SNTG1: variants seen among roughly 807,000 people sequenced by gnomAD.
SNTG1 encodes the protein syntrophin gamma 1.
A neutral mutation model predicts 74.7 loss-of-function variants in SNTG1; 39 were observed. The observed-to-expected ratio is 0.52, with a 90% CI of 0.40 to 0.68. The LOEUF is 0.68. Among genes scored for constraint, SNTG1 ranks in the 30% least tolerant of loss-of-function variants. The pLI, the probability that SNTG1 is intolerant of heterozygous loss-of-function variation, is 0.00. For synonymous variants in SNTG1, 254 were observed against 217.1 expected (o/e 1.17, Z -1.49); for missense variants, 685 against 609.5 (o/e 1.12, Z -1.30).
At chr8:50,723,752 G>A (rs575641465) in intron 17 of SNTG1, among the ~76,000 whole-genome samples, 66 of 152,124 alleles carry the variant, frequency 4.3e-4, no homozygotes, top group African/African-American at 1.5e-3. Flanking sequence ...AAGGAGAGGT[G>A]CACAGCAGGA....
chr8:50,715,793 G>A (rs958282525), intron 17 of SNTG1, among the ~76,000 whole-genome samples: 3 of 151,928 alleles, frequency 2.0e-5, no homozygotes, highest in African/African-American at 7.3e-5. Flanking sequence ...CTTCATTCTG[G>A]TTTTTCATAT....
chr8:50,710,544 C>A (rs904820987), intron 17 of SNTG1, among the ~76,000 whole-genome samples: 2 of 151,964 alleles, frequency 1.3e-5, no homozygotes, highest in Admixed American at 6.6e-5. Flanking sequence ...CTCTAGTACA[C>A]GAATGTATAA....
chr8:50,293,695 C>T (rs2089236793), intron 2 of SNTG1, among the ~76,000 whole-genome samples: 1 of 152,080 alleles, frequency 6.6e-6, no homozygotes, highest in Admixed American at 6.6e-5. Context: ...CAGGCGTGAG[C>T]CACTGTGCCC....
Position 50,794,502 on chromosome 8 carries a change from C to T in SNTG1, c.*1673C>T, listed in dbSNP as rs530902468. On this transcript the variant is annotated 3_prime_UTR_variant, in exon 19 of 19. Transcript: ENST00000642720. ...ACAGTTTCAGTGTAATGTATTTTGA[C>T]CGTAAAACTAAGTACACATTTGTAA... The T allele has an allele frequency of 6.6e-6, 1 of 152,044 alleles. No individual in the cohort carries two copies. The highest frequency in any genetic ancestry group is 2.1e-4 in the South Asian group (1 of 4,824). The allele number at this position is 152,044 out of a possible 1,614,324, so 9.4% of individuals were successfully genotyped here.
At chr8:49,984,901 C>A (rs1813017271) in intron 1 of SNTG1, among the ~76,000 whole-genome samples, 1 of 152,066 alleles carries the variant, frequency 6.6e-6, no homozygotes, top group South Asian at 2.1e-4. Flanking sequence ...TTGTAAGCAT[C>A]TGTATCATAA....
At chr8:50,309,286 G>A (rs17697781) in intron 2 of SNTG1, among the ~76,000 whole-genome samples, 10,530 of 151,852 alleles carry the variant, frequency 0.069, 409 homozygotes, top group African/African-American at 0.085. Flanking sequence ...GAGGGAAGCC[G>A]CGTATTTACT....
chr8:50,265,022 A>C (rs2087393246), intron 2 of SNTG1, among the ~76,000 whole-genome samples: 1 of 152,194 alleles, frequency 6.6e-6, no homozygotes, highest in Non-Finnish European at 1.5e-5. Context: ...GCTCAGGTCA[A>C]ATAATGTTAC....
intron 2 of SNTG1, among the ~76,000 whole-genome samples, chr8:50,350,266 G>T (rs988047845): frequency 3.9e-5 from 6 of 152,096 alleles, no homozygotes; most frequent in African/African-American, 9.7e-5. Context: ...CTCCACCGGA[G>T]CCCAGTCCCA....
intron 8 of SNTG1, among the ~76,000 whole-genome samples, chr8:50,498,023 C>T (rs1365169897): frequency 6.6e-6 from 1 of 151,728 alleles, no homozygotes; most frequent in Non-Finnish European, 1.5e-5. Flanking sequence ...TTTTGATGGA[C>T]ATTTGAGTTT....
chr8:50,263,401 A>G (rs1286013064), intron 2 of SNTG1, among the ~76,000 whole-genome samples: 1 of 152,180 alleles, frequency 6.6e-6, no homozygotes, highest in Non-Finnish European at 1.5e-5. Context: ...TATTAAATAT[A>G]AATGGATTAA....
At chr8:49,990,170 G>A (rs780091407) in intron 1 of SNTG1, among the ~76,000 whole-genome samples, 2 of 151,880 alleles carry the variant, frequency 1.3e-5, no homozygotes, top group African/African-American at 2.4e-5. Context: ...ATATGATCTT[G>A]TACATAGAAA....
intron 8 of SNTG1, among the ~76,000 whole-genome samples, chr8:50,492,496 G>T (rs950676927): frequency 8.5e-5 from 13 of 152,214 alleles, no homozygotes; most frequent in Non-Finnish European, 1.9e-4. Context: ...GACCAGTGAT[G>T]ATGAGCTTTT....
At chr8:50,330,948 G>A (rs2090940381) in intron 2 of SNTG1, among the ~76,000 whole-genome samples, 1 of 152,114 alleles carries the variant, frequency 6.6e-6, no homozygotes, top group South Asian at 2.1e-4. Context: ...GATTTGGGTG[G>A]GGACATAGAG....
intron 2 of SNTG1, among the ~76,000 whole-genome samples, chr8:50,249,223 A>C (rs186726651): frequency 2.6e-5 from 4 of 152,210 alleles, no homozygotes; most frequent in African/African-American, 9.6e-5. Context: ...ATTGCTGGAA[A>C]TCTGCACAGT....
At chr8:50,614,338 T>A (rs942224036) in intron 13 of SNTG1, among the ~76,000 whole-genome samples, 2 of 152,100 alleles carry the variant, frequency 1.3e-5, no homozygotes, top group South Asian at 4.1e-4. Context: ...CTTGAAATAG[T>A]TTCTTTCTAG....
Position 50,501,182 on chromosome 8 carries a change from A to G in SNTG1, c.364-1596A>G, listed in dbSNP as rs2093948919. Among the ~76,000 whole-genome samples, 3 of 151,902 alleles carry G rather than the reference A, an allele frequency of 2.0e-5. No homozygotes were observed. In the South Asian group the frequency reaches 6.2e-4, roughly 32 times the overall value. On this transcript the variant is annotated intron_variant, in intron 8 of 18. Transcript: ENST00000642720. ...TCCTTTACAATCCAGAGGTGGTATG[A>G]GCCTATATAGCGTGCTTTCTGTTTT...
intron 13 of SNTG1, among the ~76,000 whole-genome samples, chr8:50,598,216 T>C (rs1460347024): frequency 2.0e-5 from 3 of 151,970 alleles, no homozygotes; most frequent in African/African-American, 7.2e-5. Context: ...TTACTTAAAG[T>C]TCAAGTCTTA....
At chr8:50,298,675 T>C (rs1201733119) in intron 2 of SNTG1, among the ~76,000 whole-genome samples, 1 of 152,170 alleles carries the variant, frequency 6.6e-6, no homozygotes, top group Non-Finnish European at 1.5e-5. Context: ...AATTCAATTT[T>C]ATTACCCTTT....
chr8:50,115,279 A>T (rs922113794), intron 1 of SNTG1, among the ~76,000 whole-genome samples: 1 of 151,878 alleles, frequency 6.6e-6, no homozygotes, highest in African/African-American at 2.4e-5. Flanking sequence ...GAGGGTTAAG[A>T]TGCTTGGCCG....
Sources: gnomAD v4.1 joint callset for allele counts (sites outside exome capture counted in the v4.1 genomes callset) on GRCh38, gnomAD v4.1.1 for gene constraint, MANE v1.5 for transcripts, NCBI Gene and HGNC (gene_info 2026-07-23, HGNC 2026-07-21) for gene names.